Variants in NTM observed in about 807,000 individuals in gnomAD.
The protein encoded by NTM is neurotrimin, also known as IgLON family member 2.
Under a neutral mutation model 42.1 loss-of-function variants are expected in NTM, and 13 were observed. That is an observed-to-expected ratio of 0.31 (90% CI 0.20 to 0.49). The LOEUF (loss-of-function observed/expected upper bound fraction) is 0.49, where lower values mean the gene tolerates loss of function less well. Among genes scored for constraint, NTM ranks in the 20% least tolerant of loss-of-function variants. NTM has a pLI of 0.99. For missense variants in NTM, 373 were observed against 452.8 expected, an observed-to-expected ratio of 0.82 and a Z score of 1.60; for synonymous variants, 187 against 179.2, an observed-to-expected ratio of 1.04 and a Z score of -0.35.
In NTM at chr11:131,789,651, GAAGAAGAAGAAGAAGA is replaced by G. The variant is rs1182983787; in HGVS notation, c.83-121909_83-121894del. The stretch of plus-strand genomic sequence containing the variant: ...AAGAAGAAGAAAAGAAGAAGAAGAA[GAAGAAGAAGAAGAAGA>G]AAGCATGGGCCGGGGGCGGTGGCTC... On this transcript the variant is annotated intron_variant, in intron 1 of 8. Coordinates refer to ENST00000683400, the MANE Select transcript of NTM (RefSeq NM_001352005.2). Among the ~76,000 whole-genome samples the G allele has an allele frequency of 4.9e-4, 67 of 137,762 alleles. 9 individuals are homozygous for G. The highest frequency in any genetic ancestry group is 3.7e-3 in the Middle Eastern group (1 of 268). 90.4% of individuals were successfully genotyped at this position (137,762 alleles called of 152,430 possible).
intron 2 of NTM, among the ~76,000 whole-genome samples, chr11:131,968,642 G>A (rs1404423026): frequency 6.6e-6 from 1 of 152,174 alleles, no homozygotes. Flanking sequence ...TTTCTGGACT[G>A]CCCTCATGTG....
rs113345742 is a variant in NTM, at chr11:132,223,622, G to A, written c.526+11475G>A. On this transcript the variant is annotated intron_variant, in intron 4 of 8. Coordinates refer to ENST00000683400, the MANE Select transcript of NTM (RefSeq NM_001352005.2). Reference sequence around the variant, plus strand: ...GGAAGCATGCCTATCCTTGCTCACTGCTATGTGCACCAATGTTTAGCACCA... The same window carrying A: ...GGAAGCATGCCTATCCTTGCTCACTACTATGTGCACCAATGTTTAGCACCA... 6.4e-3 allele frequency among the ~76,000 whole-genome samples: 978 copies of A among 152,304 alleles called. 12 individuals are homozygous for A. Among genetic ancestry groups the A allele is most frequent in the African/African-American group, 0.022 (923 of 41,558 alleles).
intron 1 of NTM, among the ~76,000 whole-genome samples, chr11:131,720,619 C>G (rs4616050): frequency 6.6e-6 from 1 of 152,186 alleles, no homozygotes; most frequent in Non-Finnish European, 1.5e-5. Flanking sequence ...TGCCCAGCAC[C>G]TAGACTTGAA....
intron 1 of NTM, among the ~76,000 whole-genome samples, chr11:131,814,021 A>G (rs539120821): frequency 1.3e-5 from 2 of 152,224 alleles, no homozygotes; most frequent in South Asian, 2.1e-4. Context: ...TAATAATAAT[A>G]TTATTATTAT....
At chr11:131,875,255 C>T (rs184315523) in intron 1 of NTM, among the ~76,000 whole-genome samples, 3 of 151,530 alleles carry the variant, frequency 2.0e-5, no homozygotes, top group Admixed American at 6.6e-5. Flanking sequence ...AAACATTTTA[C>T]GTAGAGAAAG....
chr11:131,990,418 G>A (rs559684825), intron 2 of NTM, among the ~76,000 whole-genome samples: 28 of 152,162 alleles, frequency 1.8e-4, no homozygotes, highest in African/African-American at 6.0e-4. Context: ...AATATTGAAC[G>A]TTCAAGGTAG....
chr11:131,873,654 CATATATATACACAT>C (rs1239866944), intron 1 of NTM, among the ~76,000 whole-genome samples: 1,196 of 94,800 alleles, frequency 0.013, 111 homozygotes, highest in African/African-American at 0.057. Context: ...TATATACACA[CATATATATACACAT>C]ATATATATAC....
intron 1 of NTM, among the ~76,000 whole-genome samples, chr11:131,900,795 C>T (rs2053041659): frequency 6.6e-6 from 1 of 152,170 alleles, no homozygotes; most frequent in South Asian, 2.1e-4. Flanking sequence ...GTGATAACTA[C>T]TATAAGCAAT....
intron 4 of NTM, among the ~76,000 whole-genome samples, chr11:132,246,044 C>G (rs2091089933): frequency 6.6e-6 from 1 of 152,178 alleles, no homozygotes; most frequent in African/African-American, 2.4e-5. Flanking sequence ...GAATGAGAGG[C>G]AAATAGGAAG....
Position 131,429,004 on chromosome 11 carries a change from G to A in NTM, c.82+58116G>A, listed in dbSNP as rs533825142. Among the ~76,000 whole-genome samples the A allele has an allele frequency of 2.2e-4, 33 of 152,088 alleles. No homozygotes were observed. In the South Asian group the frequency reaches 2.7e-3, roughly 12 times the overall value. On this transcript the variant is annotated intron_variant, in intron 1 of 8. Transcript: ENST00000683400. The stretch of plus-strand genomic sequence containing the variant: ...CAGGAGGTGGAGGTTGCAGTAAGCC[G>A]AGATCGTGCAGCTGCACTCCAGCCT...
intron 1 of NTM, among the ~76,000 whole-genome samples, chr11:131,649,059 T>C (rs1290680874): frequency 6.6e-6 from 1 of 152,158 alleles, no homozygotes; most frequent in Non-Finnish European, 1.5e-5. Flanking sequence ...TCGAGCACTA[T>C]GACAGGTGCA....
chr11:131,603,421 C>T (rs2060654529), intron 1 of NTM, among the ~76,000 whole-genome samples: 2 of 151,990 alleles, frequency 1.3e-5, no homozygotes, highest in Non-Finnish European at 2.9e-5. Context: ...GTGATGCTAA[C>T]ACTGTTGGTC....
intron 2 of NTM, among the ~76,000 whole-genome samples, chr11:132,100,251 T>A (rs2061473658): frequency 6.6e-6 from 1 of 152,256 alleles, no homozygotes; most frequent in Non-Finnish European, 1.5e-5. Flanking sequence ...TCTTGGGATC[T>A]AAACAGAGTT....
chr11:132,134,074 C>A (rs1051949313), intron 2 of NTM, among the ~76,000 whole-genome samples: 6 of 152,154 alleles, frequency 3.9e-5, no homozygotes, highest in Admixed American at 3.9e-4. Flanking sequence ...TAGGCACATG[C>A]CACCCTGCCC....
intron 3 of NTM, among the ~76,000 whole-genome samples, chr11:132,192,577 A>G (rs996486446): frequency 1.3e-5 from 2 of 152,196 alleles, no homozygotes; most frequent in Non-Finnish European, 2.9e-5. Context: ...CACTGACACT[A>G]TAAAGCAACT....
At chr11:131,491,966 G>A (rs992781734) in intron 1 of NTM, among the ~76,000 whole-genome samples, 4 of 152,068 alleles carry the variant, frequency 2.6e-5, no homozygotes, top group Admixed American at 6.5e-5. Flanking sequence ...ATGTATTAAC[G>A]CATATGATCT....
chr11:131,926,688 A>C (rs2057999741), intron 2 of NTM, among the ~76,000 whole-genome samples: 1 of 152,210 alleles, frequency 6.6e-6, no homozygotes, highest in Admixed American at 6.5e-5. Flanking sequence ...ATCCCACATA[A>C]GCAAGTAGCC....
intron 2 of NTM, among the ~76,000 whole-genome samples, chr11:131,940,713 G>T (rs1051079593): frequency 3.1e-4 from 47 of 152,176 alleles, no homozygotes; most frequent in African/African-American, 1.0e-3. Context: ...TGGAATATTT[G>T]AATATCTGAT....
chr11:132,133,430 A>G (rs1202522948), intron 2 of NTM, among the ~76,000 whole-genome samples: 9 of 152,250 alleles, frequency 5.9e-5, no homozygotes, highest in Admixed American at 5.9e-4. Flanking sequence ...TGCTCAATGA[A>G]CATTTGGCAA....
Sources: allele counts gnomAD v4.1 joint callset (sites outside exome capture counted in the v4.1 genomes callset), GRCh38; gene constraint gnomAD v4.1.1; transcripts MANE v1.5; gene names NCBI Gene and HGNC (gene_info 2026-07-23, HGNC 2026-07-21).